The following RCN3 variants were observed in gnomAD, a reference collection of about 807,000 sequenced individuals.
The protein encoded by RCN3 is reticulocalbin 3.
A neutral mutation model predicts 35.9 loss-of-function variants in RCN3; 41 were observed. That is an observed-to-expected ratio of 1.14 (90% CI 0.89 to 1.48). The LOEUF is 1.48. Among genes scored for constraint, RCN3 ranks in the 40% most tolerant of loss-of-function variants. RCN3 has a pLI of 0.00. For synonymous variants in RCN3, 187 were observed against 193.4 expected, an observed-to-expected ratio of 0.97 and a Z score of 0.27; for missense variants, 451 against 471.3, an observed-to-expected ratio of 0.96 and a Z score of 0.40.
intron 2 of RCN3, among the ~76,000 whole-genome samples, chr19:49,532,656 G>A (rs1011026440): frequency 5.3e-5 from 8 of 150,450 alleles, no homozygotes; most frequent in African/African-American, 1.7e-4. Context: ...TTACAGGCGT[G>A]AGCCACCGTG....
At chr19:49,533,804 T>C (rs973213327) in intron 2 of RCN3, among the ~76,000 whole-genome samples, 1 of 152,036 alleles carries the variant, frequency 6.6e-6, no homozygotes, top group Non-Finnish European at 1.5e-5. Context: ...CAGGGCCCCC[T>C]TGGCAAGGGT....
At chr19:49,536,545 C>T (rs1429648227) in intron 3 of RCN3, among the ~76,000 whole-genome samples, 2 of 151,554 alleles carry the variant, frequency 1.3e-5, no homozygotes, top group Admixed American at 6.6e-5. Flanking sequence ...AGGCGATCCA[C>T]CCACCTCGGC....
chr19:49,536,054 T>G (rs554194572), intron 3 of RCN3, among the ~76,000 whole-genome samples: 323 of 149,452 alleles, frequency 2.2e-3, no homozygotes, highest in Non-Finnish European at 3.0e-3. Context: ...TGGCGTGGTC[T>G]CGGCTCACTG....
intron 2 of RCN3, among the ~76,000 whole-genome samples, chr19:49,529,190 A>AAC (rs1449269027): frequency 1.3e-5 from 2 of 152,056 alleles, no homozygotes; most frequent in African/African-American, 4.8e-5. Flanking sequence ...AAAAAACAAC[A>AAC]ACAACAATAA....
chr19:49,528,472 G>A lies in RCN3; in HGVS notation c.-1G>A, dbSNP rs1209050827. 2 of 1,499,980 alleles carry A rather than the reference G, an allele frequency of 1.3e-6. No individual in the cohort carries two copies. Among genetic ancestry groups the A allele is most frequent in the East Asian group, 2.5e-5 (1 of 40,442 alleles). 92.9% of individuals were successfully genotyped at this position (1,499,980 alleles called of 1,614,324 possible). A position where few individuals can be genotyped will look rare whatever the true frequency, so the allele number is the denominator to read the frequency against. ...TGGCCTTTGCCACTCCCCAGGGACCGATGATGTGGCGACCATCAGTTCTGC... is the reference window on the plus strand; with the variant it reads ...TGGCCTTTGCCACTCCCCAGGGACCAATGATGTGGCGACCATCAGTTCTGC... On this transcript the variant is annotated 5_prime_UTR_variant, in exon 2 of 7. Transcript: ENST00000270645.
chr19:49,528,328 C>A, intron 1 of RCN3, 139 bp from the exon 2 acceptor site: 1 of 774,094 alleles, frequency 1.3e-6, no homozygotes, highest in Non-Finnish European at 1.9e-6. Flanking sequence ...CATCGCCCGC[C>A]CTTTTTGAGC....
intron 2 of RCN3, among the ~76,000 whole-genome samples, chr19:49,529,013 C>G (rs1315051007): frequency 6.6e-6 from 1 of 152,054 alleles, no homozygotes; most frequent in Admixed American, 6.6e-5. Context: ...GAAATCCCGT[C>G]TCTACTAAAA....
In RCN3 at chr19:49,528,726, A is replaced by G; in HGVS notation, c.242+12A>G. On this transcript the variant is annotated intron_variant, in intron 2 of 6. Transcript: ENST00000270645. ...CAGGCCCGTCTGGGGTAAGAGAGAC[A>G]TTCGGTTGGGGCGTGTCCAGAGGTG... The G allele has an allele frequency of 6.4e-7, 1 of 1,563,852 alleles. No individual in the cohort carries two copies. The highest frequency in any genetic ancestry group is 8.7e-7 in the Non-Finnish European group (1 of 1,152,790).
intron 2 of RCN3, among the ~76,000 whole-genome samples, chr19:49,533,928 G>C (rs1443694715): frequency 6.6e-6 from 1 of 152,092 alleles, no homozygotes; most frequent in Non-Finnish European, 1.5e-5. Context: ...CATCGTAGTA[G>C]GTCCCTCCCC....
intron 3 of RCN3, among the ~76,000 whole-genome samples, chr19:49,534,837 C>T (rs1337703222): frequency 2.6e-5 from 4 of 152,110 alleles, no homozygotes; most frequent in Non-Finnish European, 5.9e-5. Context: ...CACCTACTTT[C>T]CATGCCTTGT....
At chr19:49,542,227 C>G (rs747298967) in intron 5 of RCN3, among the ~76,000 whole-genome samples, 1 of 152,156 alleles carries the variant, frequency 6.6e-6, no homozygotes, top group Admixed American at 6.6e-5. Context: ...GAAACATCCT[C>G]GCACGTTCCT....
chr19:49,534,094 C>T, intron 2 of RCN3, 99 bp from the exon 3 acceptor site: 1 of 1,209,714 alleles, frequency 8.3e-7, no homozygotes, highest in Non-Finnish European at 1.1e-6. Flanking sequence ...ACTGTATTTT[C>T]AGCCCCGGAT....
intron 5 of RCN3, among the ~76,000 whole-genome samples, chr19:49,541,552 C>T (rs2080162998): frequency 6.6e-6 from 1 of 152,160 alleles, no homozygotes; most frequent in Non-Finnish European, 1.5e-5. Context: ...AGTTCAAGAC[C>T]AGCCTGGCCA....
rs373380360 is a variant in RCN3 at position 49,543,245 on chromosome 19, C to G, written c.*32C>G. 3.7e-5 allele frequency: 58 copies of G among 1,555,846 alleles called. 1 individual carries two copies. The highest frequency in any genetic ancestry group is 1.9e-4 in the Admixed American group (11 of 58,850). On this transcript the variant is annotated 3_prime_UTR_variant, in exon 7 of 7. Transcript: ENST00000270645. ...CGCACCTGCCACAGCCTCAGAGGCC[C>G]GCACAATGACCGGAGGAGGGGCCGC...
At position 49,528,703 on chromosome 19, in the gene RCN3, G is replaced by A. The variant is rs2080094016; in HGVS notation, c.231G>A (p.Gln77=). The change falls in exon 2 of 7, where the codon CAG becomes CAA. Residue 77 remains glutamine (Q), a synonymous_variant. Transcript: ENST00000270645. ...EFDQLTPEES[Q]ARLGRIVDRM... is the part of the protein sequence containing the mutation. ...ACCAACTCACCCCAGAGGAAAGCCA[G>A]GCCCGTCTGGGGTAAGAGAGACATT... is the stretch of plus-strand genomic sequence containing the variant. 6.3e-7 allele frequency: 1 copy of A among 1,593,476 alleles called. No individual in the cohort carries two copies.
chr19:49,543,403 G>T lies in RCN3; in HGVS notation c.*190G>T, dbSNP rs536758978. 2.5e-4 allele frequency: 153 copies of T among 609,488 alleles called. No homozygotes were observed. In the South Asian group the frequency reaches 2.8e-3, roughly 11 times the overall value. 37.8% of individuals were successfully genotyped at this position (609,488 alleles called of 1,614,324 possible). ...GTCACACCCCCAACCCCAGGGAGGG[G>T]CTGTCATAGTCCCAGAGGATAAGCA... On this transcript the variant is annotated 3_prime_UTR_variant, in exon 7 of 7. Transcript: ENST00000270645.
In RCN3 at chr19:49,542,689, C is replaced by T. The variant is rs1182069932; in HGVS notation, c.816C>T (p.Pro272=). The change falls in exon 6 of 7, where the codon CCC becomes CCT. Residue 272 remains proline (P), a synonymous_variant. Transcript: ENST00000270645. The part of the protein sequence containing the change: ...DGSEVGHWVL[P]PAQDQPLVEA... Reference sequence around the variant, plus strand: ...GTGAGGTGGGCCACTGGGTGCTGCCCCCTGCCCAGGACCAGCCCCTGGTGG... The same window carrying T: ...GTGAGGTGGGCCACTGGGTGCTGCCTCCTGCCCAGGACCAGCCCCTGGTGG... The T allele has an allele frequency of 6.3e-7, 1 of 1,597,332 alleles. No homozygotes were observed. The highest frequency in any genetic ancestry group is 1.1e-5 in the South Asian group (1 of 87,806).
At chr19:49,528,380 A>T in intron 1 of RCN3, 87 bp from the exon 2 acceptor site, 2 of 1,295,452 alleles carry the variant, frequency 1.5e-6, no homozygotes, top group South Asian at 3.8e-5. Context: ...GTCCTGTCCT[A>T]GGTAACCCCT....
At chr19:49,530,098 C>T (rs1601206454) in intron 2 of RCN3, among the ~76,000 whole-genome samples, 1 of 151,776 alleles carries the variant, frequency 6.6e-6, no homozygotes, top group Non-Finnish European at 1.5e-5. Flanking sequence ...GTCCTAGCTA[C>T]AAGTGAACGC....
Sources: gnomAD v4.1 joint callset for allele counts (sites outside exome capture counted in the v4.1 genomes callset) on GRCh38, gnomAD v4.1.1 for gene constraint, MANE v1.5 for transcripts, NCBI Gene and HGNC (gene_info 2026-07-23, HGNC 2026-07-21) for gene names.